Variants in SPESP1 observed in about 807,000 individuals in gnomAD.
SPESP1 encodes the protein sperm equatorial segment protein 1.
In SPESP1, 1 loss-of-function variant was observed where a neutral mutation model predicts 3.1. That is an observed-to-expected ratio of 0.33 (90% CI 0.12 to 1.54). SPESP1 has a LOEUF of 1.54. SPESP1 is among the 40% of genes most tolerant of loss of function. The pLI is 0.38. For synonymous variants in SPESP1, 138 were observed against 150.7 expected (o/e 0.92, Z 0.62); for missense variants, 398 against 410.1 (o/e 0.97, Z 0.26).
chr15:68,931,970 CTG>C (rs1172275447), intron 1 of SPESP1, among the ~76,000 whole-genome samples: 1 of 152,172 alleles, frequency 6.6e-6, no homozygotes, highest in East Asian at 1.9e-4. Flanking sequence ...AATTTAAAAA[CTG>C]AAAATACAAC....
chr15:68,942,482 A>G (rs1895852516), intron 1 of SPESP1, among the ~76,000 whole-genome samples: 1 of 152,146 alleles, frequency 6.6e-6, no homozygotes, highest in Non-Finnish European at 1.5e-5. Flanking sequence ...ATTAACAGTA[A>G]TGAAGATATT....
chr15:68,931,401 T>C (rs1421038895), intron 1 of SPESP1, among the ~76,000 whole-genome samples: 1 of 152,154 alleles, frequency 6.6e-6, no homozygotes, highest in Non-Finnish European at 1.5e-5. Flanking sequence ...TTCCTTTACG[T>C]ATTGCCCATG....
At chr15:68,941,301 A>G (rs1228289531) in intron 1 of SPESP1, among the ~76,000 whole-genome samples, 1 of 152,168 alleles carries the variant, frequency 6.6e-6, no homozygotes, top group East Asian at 1.9e-4. Flanking sequence ...GTTGATATTT[A>G]TGTCTTTCAA....
intron 1 of SPESP1, among the ~76,000 whole-genome samples, chr15:68,932,430 G>T (rs137999705): frequency 7.4e-6 from 1 of 135,058 alleles, no homozygotes; most frequent in Non-Finnish European, 1.5e-5. Context: ...TCACTCTCTA[G>T]CTCAGACTAG....
rs1395996382 is a variant in SPESP1, at chr15:68,930,557, G to C, written c.-97G>C. 10 of 1,522,104 alleles carry C rather than the reference G, an allele frequency of 6.6e-6. No homozygotes were observed. Among genetic ancestry groups the C allele is most frequent in the Non-Finnish European group, 8.1e-6 (9 of 1,105,232 alleles). 94.3% of individuals were successfully genotyped at this position (1,522,104 alleles called of 1,614,324 possible). On this transcript the variant is annotated 5_prime_UTR_variant, in exon 1 of 2. Coordinates refer to ENST00000310673, the MANE Select transcript of SPESP1 (RefSeq NM_145658.4). The stretch of plus-strand genomic sequence containing the variant: ...GGTGTCCCAGGGCCTGAGGCAGGAC[G>C]GTACTCCGCTGACACCTTCCCTTTC...
intron 1 of SPESP1, among the ~76,000 whole-genome samples, chr15:68,936,369 T>C (rs1895681268): frequency 6.6e-6 from 1 of 152,242 alleles, no homozygotes; most frequent in Admixed American, 6.5e-5. Context: ...CAATGAAATA[T>C]TATTTGGCCA....
chr15:68,932,859 T>A (rs1285097688), intron 1 of SPESP1, among the ~76,000 whole-genome samples: 1 of 152,208 alleles, frequency 6.6e-6, no homozygotes, highest in Non-Finnish European at 1.5e-5. Context: ...TCATAGAAGA[T>A]GTCTTGGAAT....
At position 68,946,063 on chromosome 15, in the gene SPESP1, T is replaced by C; in HGVS notation, c.529T>C (p.Tyr177His). The change falls in exon 2 of 2, where the codon TAC (tyrosine) becomes CAC (histidine). Residue 177 changes from tyrosine (Y) to histidine (H), a missense_variant. Coordinates refer to ENST00000310673, the MANE Select transcript of SPESP1 (RefSeq NM_145658.4). The stretch of plus-strand genomic sequence containing the variant: ...ATCTACAAGTCCATATGTTACCTCA[T>C]ACAAGTCACCTGTCACCACTTTAGA... ...ESSTSPYVTS[Y>H]KSPVTTLDKS... is the part of the protein sequence containing the mutation. 1 of 1,614,154 alleles carries C rather than the reference T, an allele frequency of 6.2e-7. No homozygotes were observed. Among genetic ancestry groups the C allele is most frequent in the Non-Finnish European group, 8.5e-7 (1 of 1,180,006 alleles).
chr15:68,942,713 T>C (rs1036502221), intron 1 of SPESP1, among the ~76,000 whole-genome samples: 1 of 152,190 alleles, frequency 6.6e-6, no homozygotes, highest in African/African-American at 2.4e-5. Context: ...AAATATCTAA[T>C]TTATTTGGTT....
At position 68,945,646 on chromosome 15, in the gene SPESP1, C is replaced by A. The variant is rs1895939124; in HGVS notation, c.112C>A (p.Gln38Lys). ...DEEQNLNHYI[Q>K]VLENLVRSVP... is the part of the protein sequence containing the mutation. The stretch of plus-strand genomic sequence containing the variant: ...AGAGCAAAACTTGAATCATTATATA[C>A]AAGTTTTAGAGAACCTAGTACGAAG... Residue 38 changes from glutamine (Q) to lysine (K), a missense_variant, in exon 2 of 2, where the codon CAA becomes AAA. Coordinates refer to ENST00000310673, the MANE Select transcript of SPESP1 (RefSeq NM_145658.4). The A allele has an allele frequency of 2.5e-6, 4 of 1,598,946 alleles. No individual in the cohort carries two copies. The highest frequency in any genetic ancestry group is 3.4e-4 in the Middle Eastern group (2 of 5,962).
Position 68,930,828 on chromosome 15 carries a change from C to T in SPESP1, c.64+111C>T, listed in dbSNP as rs1291465211. ...CTTCTCCCTGGTCCTACATGCCTCC[C>T]TCCCCCACTGTCCGGGGTCCTGGCC... On this transcript the variant is annotated intron_variant, in intron 1 of 1. Transcript: ENST00000310673. 5.2e-6 allele frequency: 8 copies of T among 1,536,490 alleles called. No individual in the cohort carries two copies. The Admixed American group carries it at 8.7e-5, about 17-fold the overall frequency.
At position 68,930,612 on chromosome 15, in the gene SPESP1, AG is replaced by A. The variant is rs1276434393; in HGVS notation, c.-40del. On this transcript the variant is annotated 5_prime_UTR_variant, in exon 1 of 2. Coordinates refer to ENST00000310673, the MANE Select transcript of SPESP1 (RefSeq NM_145658.4). ...TTGAGGTTCCCAGCCTGGTGGCCCC[AG>A]GACGTTCCGGTCGCATGGCAGAGTG... The A allele has an allele frequency of 1.9e-6, 3 of 1,611,038 alleles. No individual in the cohort carries two copies. The highest frequency in any genetic ancestry group is 2.5e-6 in the Non-Finnish European group (3 of 1,178,072).
chr15:68,942,169 C>CTTTTTTTTTTTTTTTTTTT (rs778249415), intron 1 of SPESP1, among the ~76,000 whole-genome samples: 88 of 142,808 alleles, frequency 6.2e-4, no homozygotes, highest in East Asian at 2.3e-3. Flanking sequence ...CATCTTATTT[C>CTTTTTTTTTTTTTTTTTTT]TTTTTTTTTT....
chr15:68,932,930 A>C (rs1895587469), intron 1 of SPESP1, among the ~76,000 whole-genome samples: 1 of 152,190 alleles, frequency 6.6e-6, no homozygotes, highest in Non-Finnish European at 1.5e-5. Context: ...GCAGTGGTAC[A>C]TGGCTGCTTT....
intron 1 of SPESP1, among the ~76,000 whole-genome samples, chr15:68,934,075 C>CATAATAAGT: frequency 6.6e-6 from 1 of 151,744 alleles, no homozygotes. Context: ...TCAAACTTTG[C>CATAATAAGT]ATAATAAGTA....
At chr15:68,936,694 T>A (rs1309329360) in intron 1 of SPESP1, among the ~76,000 whole-genome samples, 1 of 152,122 alleles carries the variant, frequency 6.6e-6, no homozygotes, top group Admixed American at 6.5e-5. Flanking sequence ...AAAAGGTAAA[T>A]TATGGAGGTA....
chr15:68,932,275 T>C (rs1895563619), intron 1 of SPESP1, among the ~76,000 whole-genome samples: 1 of 152,172 alleles, frequency 6.6e-6, no homozygotes, highest in Admixed American at 6.5e-5. Flanking sequence ...ACTTTAACAC[T>C]GTCACACAGT....
At chr15:68,931,556 C>T (rs570074126) in intron 1 of SPESP1, among the ~76,000 whole-genome samples, 3 of 152,232 alleles carry the variant, frequency 2.0e-5, no homozygotes, top group African/African-American at 4.8e-5. Flanking sequence ...GATTGTGGGT[C>T]GCGGTCTGGG....
Position 68,946,338 on chromosome 15 carries a change from A to C in SPESP1, c.804A>C (p.Ala268=). The C allele has an allele frequency of 6.2e-7, 1 of 1,614,184 alleles. No homozygotes were observed. Among genetic ancestry groups the C allele is most frequent in the Non-Finnish European group, 8.5e-7 (1 of 1,180,044 alleles). ...KDHLKRSLAL[A]AAAEHKLKTM... ...ACCTAAAACGAAGCCTTGCTCTAGC[A>C]GCAGCAGCAGAACATAAATTAAAAA... is the stretch of plus-strand genomic sequence containing the variant. The change falls in exon 2 of 2, where the codon GCA becomes GCC. Residue 268 remains alanine (A), a synonymous_variant. Coordinates refer to ENST00000310673, the MANE Select transcript of SPESP1 (RefSeq NM_145658.4).
Sources: allele counts gnomAD v4.1 joint callset (sites outside exome capture counted in the v4.1 genomes callset), GRCh38; gene constraint gnomAD v4.1.1; transcripts MANE v1.5; gene names NCBI Gene and HGNC (gene_info 2026-07-23, HGNC 2026-07-21).